Variants in SCN8A observed in about 807,000 individuals in gnomAD.
SCN8A encodes the protein sodium channel protein type 8 subunit alpha.
In SCN8A, 30 loss-of-function variants were observed where a neutral mutation model predicts 184.1. The observed-to-expected ratio is 0.16, with a 90% CI of 0.12 to 0.22. The LOEUF (loss-of-function observed/expected upper bound fraction) is 0.22. SCN8A is among the 10% of genes least tolerant of loss of function. The probability of loss-of-function intolerance (pLI) is 1.00; values close to 1 mark genes in which losing one functional copy is unlikely to be tolerated. For missense variants in SCN8A, 1,057 were observed against 2,498.9 expected (o/e 0.42, Z 12.30); for synonymous variants, 852 against 907.0 (o/e 0.94, Z 1.09).
At chr12:51,707,416 C>A (rs1411153291) in intron 11 of SCN8A, among the ~76,000 whole-genome samples, 1 of 152,032 alleles carries the variant, frequency 6.6e-6, no homozygotes. Flanking sequence ...AGTCTGAGTC[C>A]CAAAACTGAA....
chr12:51,789,460 C>T lies in SCN8A; in HGVS notation c.4419+42C>T, dbSNP rs755575279. 1.9e-6 allele frequency: 3 copies of T among 1,603,224 alleles called. No homozygotes were observed. In the South Asian group the frequency reaches 3.3e-5, roughly 18 times the overall value. On this transcript the variant is annotated intron_variant, in intron 24 of 26. Coordinates refer to ENST00000627620, the MANE Select transcript of SCN8A (RefSeq NM_001330260.2). The stretch of plus-strand genomic sequence containing the variant: ...CATTGCCAGTGGTTGGAAGTCAGCC[C>T]AGATAAGAGGCACCTTTGTCCCTAT...
chr12:51,670,531 G>GAATGTT (rs1565881078), intron 2 of SCN8A, among the ~76,000 whole-genome samples: 15 of 152,250 alleles, frequency 9.9e-5, no homozygotes, highest in African/African-American at 3.6e-4. Context: ...GCAAATCCTG[G>GAATGTT]AGGGCTTAGA....
intron 12 of SCN8A, among the ~76,000 whole-genome samples, chr12:51,732,657 A>T (rs1399952651): frequency 6.6e-6 from 1 of 152,082 alleles, no homozygotes; most frequent in Admixed American, 6.6e-5. Flanking sequence ...GCTTGCTTTG[A>T]CTAATATGAA....
chr12:51,632,577 G>C (rs1025633476), intron 1 of SCN8A, among the ~76,000 whole-genome samples: 10 of 152,104 alleles, frequency 6.6e-5, no homozygotes, highest in African/African-American at 2.4e-4. Context: ...CACAACCTAG[G>C]GTCGTATCAT....
intron 14 of SCN8A, 61 bp downstream of exon 14, chr12:51,751,654 T>A: frequency 8.0e-7 from 1 of 1,254,000 alleles, no homozygotes; most frequent in East Asian, 2.4e-5. Flanking sequence ...GTAGGATATC[T>A]TTTTCTGGTA....
Position 51,762,691 on chromosome 12 carries a change from T to A in SCN8A, c.2544+15T>A. On this transcript the variant is annotated intron_variant, in intron 15 of 26. Coordinates refer to ENST00000627620, the MANE Select transcript of SCN8A (RefSeq NM_001330260.2). Reference sequence around the variant, plus strand: ...CTTTCCGATTGGTATTCCATATTTCTCCAATTTCTTTTAACATTTCCTATC... The same window carrying A: ...CTTTCCGATTGGTATTCCATATTTCACCAATTTCTTTTAACATTTCCTATC... The A allele has an allele frequency of 6.4e-7, 1 of 1,553,016 alleles. No homozygotes were observed. Among genetic ancestry groups the A allele is most frequent in the Non-Finnish European group, 8.6e-7 (1 of 1,160,260 alleles).
At chr12:51,737,923 T>C (rs1407745921) in intron 12 of SCN8A, among the ~76,000 whole-genome samples, 1 of 152,190 alleles carries the variant, frequency 6.6e-6, no homozygotes, top group Non-Finnish European at 1.5e-5. Context: ...AAGGGGAAAA[T>C]GTTGGCGCTA....
At chr12:51,690,310 C>G (rs1031154629) in intron 6 of SCN8A, among the ~76,000 whole-genome samples, 1 of 152,152 alleles carries the variant, frequency 6.6e-6, no homozygotes, top group African/African-American at 2.4e-5. Flanking sequence ...ATTCCTATTA[C>G]GTGGCTCTTC....
chr12:51,639,599 C>T (rs938120672), intron 1 of SCN8A, among the ~76,000 whole-genome samples: 1 of 152,052 alleles, frequency 6.6e-6, no homozygotes, highest in African/African-American at 2.4e-5. Flanking sequence ...AGATGCTCTG[C>T]TGTGGATAAA....
intron 19 of SCN8A, among the ~76,000 whole-genome samples, chr12:51,772,920 T>G (rs996396657): frequency 6.6e-6 from 1 of 151,888 alleles, no homozygotes; most frequent in Non-Finnish European, 1.5e-5. Context: ...ATTGAGACCA[T>G]CCCAGCTAAC....
At chr12:51,625,800 G>A (rs775708131) in intron 1 of SCN8A, among the ~76,000 whole-genome samples, 1 of 152,154 alleles carries the variant, frequency 6.6e-6, no homozygotes, top group Admixed American at 6.5e-5. Context: ...TATCTAATAC[G>A]GAAGGTGAGA....
At chr12:51,695,649 C>T (rs943039786) in intron 6 of SCN8A, among the ~76,000 whole-genome samples, 2 of 151,828 alleles carry the variant, frequency 1.3e-5, no homozygotes, top group East Asian at 1.9e-4. Flanking sequence ...CTTCTCTCCA[C>T]GTGTCCATTT....
intron 1 of SCN8A, among the ~76,000 whole-genome samples, chr12:51,628,331 G>A (rs763536369): frequency 5.9e-5 from 9 of 152,198 alleles, no homozygotes; most frequent in Admixed American, 1.3e-4. Flanking sequence ...ATGTGGACTG[G>A]CCCTTCAAGG....
In SCN8A at chr12:51,684,160, T is replaced by C; in HGVS notation, c.277-14T>C. 1 of 1,278,000 alleles carries C rather than the reference T, an allele frequency of 7.8e-7. No homozygotes were observed. Among genetic ancestry groups the C allele is most frequent in the Non-Finnish European group, 1.1e-6 (1 of 873,774 alleles). 79.2% of individuals were successfully genotyped at this position (1,278,000 alleles called of 1,614,324 possible). On this transcript the variant is annotated splice_polypyrimidine_tract_variant and intron_variant, in intron 2 of 26. Transcript: ENST00000627620. ...CCATGCTTTAATAATTTCTCTCTCT[T>C]TCTTTCTCCACAGACCTTTGTAGTA...
intron 6 of SCN8A, among the ~76,000 whole-genome samples, chr12:51,694,972 A>T (rs1941569581): frequency 6.6e-6 from 1 of 152,254 alleles, no homozygotes; most frequent in Non-Finnish European, 1.5e-5. Flanking sequence ...AATGCAAGGA[A>T]GAAGAGTCTT....
At chr12:51,719,793 T>G (rs1592403490) in intron 11 of SCN8A, among the ~76,000 whole-genome samples, 1 of 148,134 alleles carries the variant, frequency 6.8e-6, no homozygotes, top group Non-Finnish European at 1.5e-5. Context: ...TAAAGAATTC[T>G]TGGCCGGGCG....
chr12:51,789,443 G>A, intron 24 of SCN8A, 25 bp downstream of exon 24: 1 of 1,612,324 alleles, frequency 6.2e-7, no homozygotes, highest in Non-Finnish European at 8.5e-7. Flanking sequence ...CTCATTGCCA[G>A]TGGTTGGAAG....
At chr12:51,738,212 G>A (rs183470421) in intron 12 of SCN8A, among the ~76,000 whole-genome samples, 254 of 152,164 alleles carry the variant, frequency 1.7e-3, no homozygotes, top group African/African-American at 5.9e-3. Context: ...TGACTTTGAG[G>A]GCTATATAAT....
intron 11 of SCN8A, among the ~76,000 whole-genome samples, chr12:51,711,380 T>C (rs759021266): frequency 1.3e-4 from 20 of 152,108 alleles, no homozygotes; most frequent in Admixed American, 3.9e-4. Flanking sequence ...CTGCCAAGAG[T>C]AGCTTAAGAT....
Sources: allele counts gnomAD v4.1 joint callset (sites outside exome capture counted in the v4.1 genomes callset), GRCh38; gene constraint gnomAD v4.1.1; transcripts MANE v1.5; gene names NCBI Gene and HGNC (gene_info 2026-07-23, HGNC 2026-07-21).